The following CD247 variants were observed in gnomAD, a reference collection of about 807,000 sequenced individuals.
The protein encoded by CD247 is T-cell surface glycoprotein CD3 zeta chain.
CD247 carries 13 observed loss-of-function variants against 30.0 expected under a neutral mutation model. The observed-to-expected ratio is 0.43, with a 90% confidence interval of 0.28 to 0.69. The LOEUF is 0.69. CD247 is among the 30% of genes least tolerant of loss of function. CD247 has a pLI of 0.16. For missense variants in CD247, 193 were observed against 212.6 expected (o/e 0.91, Z 0.57); for synonymous variants, 72 against 80.0 (o/e 0.90, Z 0.53).
At chr1:167,496,726 CA>C (rs371962005) in intron 1 of CD247, among the ~76,000 whole-genome samples, 1 of 152,140 alleles carries the variant, frequency 6.6e-6, no homozygotes. Context: ...TAAGGCAAGA[CA>C]AGAAGTCTAA....
chr1:167,496,833 C>T lies in CD247; in HGVS notation c.58+21575G>A, dbSNP rs375553717. 1.6e-3 allele frequency among the ~76,000 whole-genome samples: 251 copies of T among 152,230 alleles called. 9 individuals carry two copies. In the South Asian group the frequency reaches 0.048, roughly 29 times the overall value. ...AGGCTGGTGGCAGGGGTGTGGGTGA[C>T]GTGTACCACATCACCCAGGAGATCT... is the stretch of plus-strand genomic sequence containing the variant. On this transcript the variant is annotated intron_variant, in intron 1 of 7. Transcript: ENST00000362089.
chr1:167,504,288 C>A (rs546396485), intron 1 of CD247, among the ~76,000 whole-genome samples: 17 of 152,168 alleles, frequency 1.1e-4, no homozygotes, highest in Non-Finnish European at 2.5e-4. Flanking sequence ...CAGTTACCAC[C>A]CCTCTATCAC....
rs1057195056 is a variant in CD247 at position 167,471,326 on chromosome 1, CTT to C, written c.59-30561_59-30560del. 2.2e-4 allele frequency among the ~76,000 whole-genome samples: 34 copies of C among 152,092 alleles called. 1 individual carries two copies. The highest frequency in any genetic ancestry group is 8.0e-4 in the African/African-American group (33 of 41,416). On this transcript the variant is annotated intron_variant, in intron 1 of 7. Transcript: ENST00000362089. ...CTCTAAATTTTCTGGGCTATTTAAA[CTT>C]AGGGCTGACTTACTTTCCAGAAAGA...
chr1:167,476,347 C>G (rs917340010), intron 1 of CD247, among the ~76,000 whole-genome samples: 1 of 152,162 alleles, frequency 6.6e-6, no homozygotes, highest in African/African-American at 2.4e-5. Flanking sequence ...ATAGAATGAG[C>G]CTTTCAGAGA....
At chr1:167,472,117 A>G (rs1394023110) in intron 1 of CD247, among the ~76,000 whole-genome samples, 1 of 152,134 alleles carries the variant, frequency 6.6e-6, no homozygotes, top group Admixed American at 6.6e-5. Flanking sequence ...TACAGGCATG[A>G]GCCACTGTGT....
intron 1 of CD247, chr1:167,459,797 A>G (rs1428794455): frequency 6.6e-6 from 1 of 152,194 alleles, no homozygotes; most frequent in Non-Finnish European, 1.5e-5. Flanking sequence ...GTTTATGGTA[A>G]TATTTCTAAC....
At chr1:167,442,615 C>T (rs1651891013) in intron 1 of CD247, among the ~76,000 whole-genome samples, 1 of 152,132 alleles carries the variant, frequency 6.6e-6, no homozygotes, top group Admixed American at 6.5e-5. Flanking sequence ...CAGTTCTCGC[C>T]CCCTTCCTGC....
chr1:167,515,640 C>T (rs371613977), intron 1 of CD247, among the ~76,000 whole-genome samples: 2 of 152,320 alleles, frequency 1.3e-5, no homozygotes, highest in East Asian at 3.9e-4. Context: ...CCAGCCAGAG[C>T]TTTGCTGCTT....
intron 2 of CD247, chr1:167,439,718 G>C (rs1417132818): frequency 7.3e-6 from 3 of 410,420 alleles, no homozygotes; most frequent in African/African-American, 6.1e-5. Flanking sequence ...TGCGCCCCCG[G>C]GGACATGAGT....
intron 1 of CD247, among the ~76,000 whole-genome samples, chr1:167,505,335 T>C (rs1655071785): frequency 6.6e-6 from 1 of 152,222 alleles, no homozygotes; most frequent in African/African-American, 2.4e-5. Context: ...GATATACTAA[T>C]AATACATGGT....
Position 167,513,141 on chromosome 1 carries a change from G to A in CD247, c.58+5267C>T, listed in dbSNP as rs540233038. ...AATAAGGAAATAGTGAAGAAAATAC[G>A]ATGCATGGATGCTATGGAAGCTTAC... On this transcript the variant is annotated intron_variant, in intron 1 of 7. Coordinates refer to ENST00000362089, the MANE Select transcript of CD247 (RefSeq NM_198053.3). Among the ~76,000 whole-genome samples, 67 of 152,240 alleles carry A rather than the reference G, an allele frequency of 4.4e-4. 1 individual carries two copies. Among genetic ancestry groups the A allele is most frequent in the Non-Finnish European group, 7.5e-4 (51 of 68,014 alleles).
At chr1:167,514,727 C>T (rs187833095) in intron 1 of CD247, among the ~76,000 whole-genome samples, 177 of 151,966 alleles carry the variant, frequency 1.2e-3, no homozygotes, top group Non-Finnish European at 2.0e-3. Flanking sequence ...GAACTATTTC[C>T]GGTATTTATT....
At position 167,466,121 on chromosome 1, in the gene CD247, G is replaced by A. The variant is rs79903733; in HGVS notation, c.59-25354C>T. Among the ~76,000 whole-genome samples the A allele has an allele frequency of 6.5e-3, 994 of 152,334 alleles. 12 individuals carry two copies. The highest frequency in any genetic ancestry group is 0.011 in the Non-Finnish European group (719 of 68,026). On this transcript the variant is annotated intron_variant, in intron 1 of 7. Coordinates refer to ENST00000362089, the MANE Select transcript of CD247 (RefSeq NM_198053.3). Reference sequence around the variant, plus strand: ...GTTAGATTTATTCTGGCATCAACTAGCTGCAGAGCCCAAGACTCAGACTTA... The same window carrying A: ...GTTAGATTTATTCTGGCATCAACTAACTGCAGAGCCCAAGACTCAGACTTA...
intron 1 of CD247, among the ~76,000 whole-genome samples, chr1:167,479,667 G>T (rs537154220): frequency 1.4e-4 from 21 of 152,076 alleles, no homozygotes; most frequent in Non-Finnish European, 2.9e-4. Context: ...TGTGTCCCCA[G>T]TCCACATCTC....
intron 1 of CD247, among the ~76,000 whole-genome samples, chr1:167,471,889 G>A (rs1282561729): frequency 7.3e-6 from 1 of 137,182 alleles, no homozygotes; most frequent in East Asian, 2.1e-4. Context: ...CTGAAGTGCA[G>A]TAGTGCGATC....
rs1027535486 is a variant in CD247 at position 167,430,885 on chromosome 1, G to A, written c.*796C>T. The A allele has an allele frequency of 3.5e-5, 14 of 398,654 alleles. No individual in the cohort carries two copies. Among genetic ancestry groups the A allele is most frequent in the South Asian group, 1.3e-4 (1 of 7,862 alleles). The allele number at this position is 398,654 out of a possible 1,614,324, so 24.7% of individuals were successfully genotyped here. ...CTTCACAAAGATGATTTTGTCATTCGCTGAAAGCGTGAAGTGAATCAACGG... is the reference window on the plus strand; with the variant it reads ...CTTCACAAAGATGATTTTGTCATTCACTGAAAGCGTGAAGTGAATCAACGG... On this transcript the variant is annotated 3_prime_UTR_variant, in exon 8 of 8. Coordinates refer to ENST00000362089, the MANE Select transcript of CD247 (RefSeq NM_198053.3).
chr1:167,468,509 G>C (rs1653367927), intron 1 of CD247, among the ~76,000 whole-genome samples: 1 of 152,168 alleles, frequency 6.6e-6, no homozygotes, highest in African/African-American at 2.4e-5. Flanking sequence ...CAGACACAGA[G>C]AGACCATCAA....
intron 1 of CD247, among the ~76,000 whole-genome samples, chr1:167,483,317 A>AT (rs35732995): frequency 0.016 from 2,454 of 152,170 alleles, 28 homozygotes; most frequent in Admixed American, 0.021. Flanking sequence ...GAGCTAACCA[A>AT]TATGCTAATG....
chr1:167,514,760 A>G (rs567837633), intron 1 of CD247, among the ~76,000 whole-genome samples: 1 of 152,206 alleles, frequency 6.6e-6, no homozygotes, highest in South Asian at 2.1e-4. Flanking sequence ...TGACCTATAT[A>G]AGGTCCTAAG....
Sources: gnomAD v4.1 joint callset for allele counts (sites outside exome capture counted in the v4.1 genomes callset) on GRCh38, gnomAD v4.1.1 for gene constraint, MANE v1.5 for transcripts, NCBI Gene and HGNC (gene_info 2026-07-23, HGNC 2026-07-21) for gene names.